OSGEP: variants seen among roughly 807,000 people sequenced by gnomAD.
OSGEP encodes the protein O-sialoglycoprotein endopeptidase.
Under a neutral mutation model 44.1 loss-of-function variants are expected in OSGEP, and 39 were observed. The ratio of observed to expected loss-of-function variants is 0.88; its 90% confidence interval spans 0.69 to 1.16. The LOEUF (loss-of-function observed/expected upper bound fraction) is 1.16. Ranked by LOEUF, OSGEP falls within the 50% of genes most tolerant of loss-of-function variation. The pLI, the probability that OSGEP is intolerant of heterozygous loss-of-function variation, is 0.00. For missense variants in OSGEP, 403 were observed against 443.1 expected (o/e 0.91, Z 0.81); for synonymous variants, 139 against 161.9 (o/e 0.86, Z 1.07).
chr14:20,453,516 G>A (rs780529688), intron 1 of OSGEP, among the ~76,000 whole-genome samples: 88 of 152,002 alleles, frequency 5.8e-4, no homozygotes, highest in Admixed American at 2.0e-4. Context: ...ACAGGCATGC[G>A]CCACCACGCC....
intron 5 of OSGEP, 45 bp from the exon 6 acceptor site, chr14:20,448,856 G>A (rs769000956): frequency 2.5e-6 from 4 of 1,590,500 alleles, no homozygotes; most frequent in Non-Finnish European, 3.5e-6. Context: ...ACAGTCAGCT[G>A]GCTTCTCACC....
chr14:20,447,674 C>T lies in OSGEP; in HGVS notation c.810G>A (p.Gln270=). 1 of 1,613,868 alleles carries T rather than the reference C, an allele frequency of 6.2e-7. No individual in the cohort carries two copies. The highest frequency in any genetic ancestry group is 8.5e-7 in the Non-Finnish European group (1 of 1,179,766). ...CCTGGCACATTGTTGCCATCATCTC[C>T]TGTAGCCTCACATTACCTACAAAGA... ...VGGVGCNVRL[Q]EMMATMCQER... Residue 270 remains glutamine (Q), a synonymous_variant, in exon 9 of 11, where the codon CAG becomes CAA. Coordinates refer to ENST00000206542, the MANE Select transcript of OSGEP (RefSeq NM_017807.4).
At chr14:20,452,190 A>G in intron 2 of OSGEP, 41 bp from the exon 3 acceptor site, 1 of 1,535,200 alleles carries the variant, frequency 6.5e-7, no homozygotes, top group Admixed American at 1.9e-5. Flanking sequence ...TAGAGATTGG[A>G]AAAAAACAAT....
intron 3 of OSGEP, 146 bp downstream of exon 3, chr14:20,451,828 C>T: frequency 1.5e-6 from 1 of 673,876 alleles, no homozygotes; most frequent in Admixed American, 3.6e-5. Flanking sequence ...GTTACAAACT[C>T]TGTTGGGGGT....
Position 20,454,690 on chromosome 14 carries a change from G to A in OSGEP, c.-7C>T, listed in dbSNP as rs1566511163. On this transcript the variant is annotated 5_prime_UTR_variant, in exon 1 of 11. Coordinates refer to ENST00000206542, the MANE Select transcript of OSGEP (RefSeq NM_017807.4). ...AACCCAGCACCGCCGGCATGGCGGA[G>A]GCTGGGAGAAAACGCCGACAGGACT... 1 of 1,607,038 alleles carries A rather than the reference G, an allele frequency of 6.2e-7. No homozygotes were observed. Among genetic ancestry groups the A allele is most frequent in the Non-Finnish European group, 8.5e-7 (1 of 1,174,342 alleles).
chr14:20,451,724 C>A (rs1010418784), intron 3 of OSGEP: 3 of 360,148 alleles, frequency 8.3e-6, no homozygotes, highest in South Asian at 2.1e-4. Context: ...TCATTCCTTT[C>A]CTGAAGTAGA....
At chr14:20,452,898 C>T (rs549262763) in intron 1 of OSGEP, among the ~76,000 whole-genome samples, 7 of 152,040 alleles carry the variant, frequency 4.6e-5, no homozygotes, top group African/African-American at 1.2e-4. Flanking sequence ...TTAGTAGAGA[C>T]GGGGTTTCAC....
In OSGEP at chr14:20,452,320, C is replaced by A; in HGVS notation, c.235+9G>T. 1 of 1,613,222 alleles carries A rather than the reference C, an allele frequency of 6.2e-7. No individual in the cohort carries two copies. Among genetic ancestry groups the A allele is most frequent in the South Asian group, 1.1e-5 (1 of 91,038 alleles). ...ATTCCTCCATCGTTGACCACTCTCC[C>A]AGCCATACCCTTGGTGTATGCAATG... On this transcript the variant is annotated intron_variant, in intron 2 of 10. Transcript: ENST00000206542.
chr14:20,449,485 G>A, intron 3 of OSGEP: 1 of 521,868 alleles, frequency 1.9e-6, no homozygotes, highest in East Asian at 3.3e-5. Flanking sequence ...CCTAGACAGT[G>A]TAGGTTCAGG....
At chr14:20,452,941 C>T (rs923025450) in intron 1 of OSGEP, among the ~76,000 whole-genome samples, 4 of 152,106 alleles carry the variant, frequency 2.6e-5, no homozygotes, top group African/African-American at 9.7e-5. Flanking sequence ...AACTCCTGAC[C>T]TCGTGATCCG....
At chr14:20,449,473 T>TTAGGAATCTG (rs1594407518) in intron 3 of OSGEP, 2 of 551,042 alleles carry the variant, frequency 3.6e-6, no homozygotes, top group East Asian at 6.3e-5. Context: ...CAGGAACAGA[T>TTAGGAATCTG]TCCTAGACAG....
intron 3 of OSGEP, chr14:20,451,184 T>C (rs538451687): frequency 6.5e-6 from 1 of 154,780 alleles, no homozygotes; most frequent in East Asian, 1.9e-4. Flanking sequence ...AAGTTATTTA[T>C]ATTTCTAAAC....
chr14:20,447,384 C>T (rs1375934364), intron 10 of OSGEP, 38 bp downstream of exon 10: 1 of 1,604,542 alleles, frequency 6.2e-7, no homozygotes, highest in Non-Finnish European at 8.5e-7. Context: ...TTGTCTATGT[C>T]CCAATAATCT....
Position 20,449,277 on chromosome 14 carries a change from T to A in OSGEP, c.412-11A>T. ...CGAGTATGCAATCACCTAAGGGTGA[T>A]GAGGAAGTCCATGAAACCCCAAGTC... is the stretch of plus-strand genomic sequence containing the variant. On this transcript the variant is annotated splice_polypyrimidine_tract_variant and intron_variant, in intron 3 of 10. Coordinates refer to ENST00000206542, the MANE Select transcript of OSGEP (RefSeq NM_017807.4). The A allele has an allele frequency of 6.4e-7, 1 of 1,550,910 alleles. No individual in the cohort carries two copies. Among genetic ancestry groups the A allele is most frequent in the African/African-American group, 1.4e-5 (1 of 73,808 alleles).
chr14:20,452,509 G>C, intron 1 of OSGEP, 61 bp from the exon 2 acceptor site: 1 of 1,561,852 alleles, frequency 6.4e-7, no homozygotes, highest in Middle Eastern at 1.7e-4. Context: ...TAGGTAGGAA[G>C]TTAAAGAAAG....
chr14:20,454,501 A>T, intron 1 of OSGEP, 68 bp downstream of exon 1: 1 of 1,053,052 alleles, frequency 9.5e-7, no homozygotes, highest in Non-Finnish European at 1.5e-6. Context: ...ACTAGTATTT[A>T]GGAAGATGGA....
At chr14:20,452,868 C>T (rs1156783104) in intron 1 of OSGEP, among the ~76,000 whole-genome samples, 1 of 152,046 alleles carries the variant, frequency 6.6e-6, no homozygotes, top group Non-Finnish European at 1.5e-5. Context: ...CACCACCACG[C>T]TCAGCTAACT....
At chr14:20,452,550 C>T (rs1189504694) in intron 1 of OSGEP, 102 bp from the exon 2 acceptor site, 1 of 1,099,158 alleles carries the variant, frequency 9.1e-7, no homozygotes, top group Non-Finnish European at 1.3e-6. Flanking sequence ...TAGTAAGAGT[C>T]CTTTCACTTT....
rs541612976 is a variant in OSGEP at position 20,449,424 on chromosome 14, G to A, written c.412-158C>T. 32 of 618,568 alleles carry A rather than the reference G, an allele frequency of 5.2e-5. No individual in the cohort carries two copies. In the South Asian group the frequency reaches 5.9e-4, roughly 11 times the overall value. 38.3% of individuals were successfully genotyped at this position (618,568 alleles called of 1,614,324 possible). On this transcript the variant is annotated intron_variant, in intron 3 of 10. Coordinates refer to ENST00000206542, the MANE Select transcript of OSGEP (RefSeq NM_017807.4). ...AAATGGTGAATGGGTAGTTTTTACA[G>A]CTCTGATTTGAGAAGAAATCTGTAT...
Sources: allele counts gnomAD v4.1 joint callset (sites outside exome capture counted in the v4.1 genomes callset), GRCh38; gene constraint gnomAD v4.1.1; transcripts MANE v1.5; gene names NCBI Gene and HGNC (gene_info 2026-07-23, HGNC 2026-07-21).